The following OSBPL8 variants were observed in gnomAD, a reference collection of about 807,000 sequenced individuals.
OSBPL8 encodes the protein oxysterol-binding protein-related protein 8.
In OSBPL8, 59 loss-of-function variants were observed where a neutral mutation model predicts 125.5. The observed-to-expected ratio is 0.47, with a 90% CI of 0.38 to 0.58. The LOEUF (loss-of-function observed/expected upper bound fraction) is 0.58, where lower values mean the gene tolerates loss of function less well. Among genes scored for constraint, OSBPL8 ranks in the 20% least tolerant of loss-of-function variants. The pLI is 0.00. For synonymous variants in OSBPL8, 330 were observed against 338.9 expected (o/e 0.97, Z 0.29); for missense variants, 758 against 1,047.8 (o/e 0.72, Z 3.82).
At chr12:76,535,484 T>C (rs1332475025) in intron 1 of OSBPL8, among the ~76,000 whole-genome samples, 4 of 152,170 alleles carry the variant, frequency 2.6e-5, no homozygotes, top group African/African-American at 4.8e-5. Flanking sequence ...GGGGAGCAAC[T>C]GGAACTCTCA....
intron 8 of OSBPL8, among the ~76,000 whole-genome samples, chr12:76,396,230 T>G (rs1417514040): frequency 1.3e-5 from 2 of 152,232 alleles, no homozygotes; most frequent in South Asian, 2.1e-4. Context: ...ATCCCAAATG[T>G]ATTCTCGCTG....
chr12:76,445,829 T>C (rs1872669695), intron 4 of OSBPL8, among the ~76,000 whole-genome samples: 1 of 152,142 alleles, frequency 6.6e-6, no homozygotes, highest in Non-Finnish European at 1.5e-5. Flanking sequence ...ACCACATGAT[T>C]CAGCAATTGC....
At chr12:76,374,125 G>C (rs184894252) in intron 17 of OSBPL8, among the ~76,000 whole-genome samples, 79 of 152,238 alleles carry the variant, frequency 5.2e-4, no homozygotes, top group Non-Finnish European at 1.1e-3. Context: ...TTTTTTATCA[G>C]AGCAAAATTG....
intron 21 of OSBPL8, among the ~76,000 whole-genome samples, chr12:76,360,875 A>G (rs1038881705): frequency 6.6e-6 from 1 of 152,198 alleles, no homozygotes; most frequent in Non-Finnish European, 1.5e-5. Context: ...GGCTGCACAC[A>G]GCATGGGAAC....
chr12:76,558,405 G>A (rs962853774), intron 1 of OSBPL8, among the ~76,000 whole-genome samples: 10 of 152,198 alleles, frequency 6.6e-5, no homozygotes, highest in Middle Eastern at 3.4e-3. Context: ...ACGAAGGGAG[G>A]CAAAAACTGT....
chr12:76,439,589 T>TTC (rs1555221632), intron 4 of OSBPL8, among the ~76,000 whole-genome samples: 13 of 151,868 alleles, frequency 8.6e-5, no homozygotes, highest in African/African-American at 2.4e-4. Context: ...CCTTTTTTTT[T>TTC]CCCTAAAGGC....
At chr12:76,458,057 A>G (rs982538373) in intron 3 of OSBPL8, among the ~76,000 whole-genome samples, 12 of 152,098 alleles carry the variant, frequency 7.9e-5, no homozygotes, top group African/African-American at 2.9e-4. Context: ...GGATCGCTTG[A>G]GTCCAGGAGT....
intron 2 of OSBPL8, among the ~76,000 whole-genome samples, chr12:76,465,491 C>G (rs1032789402): frequency 2.0e-5 from 3 of 151,742 alleles, no homozygotes; most frequent in African/African-American, 7.3e-5. Context: ...ACCCGGGAGG[C>G]GGAGCTTACA....
At chr12:76,403,053 T>C (rs767044047) in intron 5 of OSBPL8, among the ~76,000 whole-genome samples, 13 of 152,180 alleles carry the variant, frequency 8.5e-5, no homozygotes, top group African/African-American at 3.1e-4. Flanking sequence ...TAAGAACATA[T>C]ATAATTATTT....
intron 4 of OSBPL8, among the ~76,000 whole-genome samples, chr12:76,443,250 T>C (rs1245579596): frequency 6.6e-6 from 1 of 152,172 alleles, no homozygotes; most frequent in Non-Finnish European, 1.5e-5. Context: ...GCACTATAAT[T>C]GAAAGATGGT....
chr12:76,518,864 T>C (rs1032701911), intron 1 of OSBPL8, among the ~76,000 whole-genome samples: 1 of 152,234 alleles, frequency 6.6e-6, no homozygotes, highest in Non-Finnish European at 1.5e-5. Context: ...GACAGGTCCC[T>C]GAAACCATTC....
intron 2 of OSBPL8, among the ~76,000 whole-genome samples, chr12:76,466,119 C>T (rs1428657813): frequency 6.6e-6 from 1 of 151,940 alleles, no homozygotes; most frequent in Non-Finnish European, 1.5e-5. Flanking sequence ...TATAAATTTT[C>T]TTATACACAT....
intron 19 of OSBPL8, among the ~76,000 whole-genome samples, chr12:76,370,561 T>C (rs1029527409): frequency 1.3e-5 from 2 of 152,242 alleles, no homozygotes; most frequent in African/African-American, 4.8e-5. Flanking sequence ...TTATTTATCC[T>C]AAGTCTCATT....
intron 9 of OSBPL8, among the ~76,000 whole-genome samples, chr12:76,393,385 C>T (rs1466605800): frequency 6.6e-6 from 1 of 152,106 alleles, no homozygotes; most frequent in Admixed American, 6.5e-5. Flanking sequence ...AAAGCATCTT[C>T]ATATTGAAAG....
chr12:76,389,827 T>A lies in OSBPL8; in HGVS notation c.1170A>T (p.Ala390=). The A allele has an allele frequency of 6.7e-7, 1 of 1,489,304 alleles. No individual in the cohort carries two copies. Among genetic ancestry groups the A allele is most frequent in the Non-Finnish European group, 9.0e-7 (1 of 1,114,746 alleles). 92.3% of individuals were successfully genotyped at this position (1,489,304 alleles called of 1,614,324 possible). A position where few individuals can be genotyped will look rare whatever the true frequency, so the allele number is the denominator to read the frequency against. ...TEQSHEELGE[A]GEASQTETVS... ...CAGTTTCTGTTTGAGAAGCCTCACCTGCCTTTATCAATTAATGAAAATTAC... is the reference window on the plus strand; with the variant it reads ...CAGTTTCTGTTTGAGAAGCCTCACCAGCCTTTATCAATTAATGAAAATTAC... The change falls in exon 12 of 24, where the codon GCA becomes GCT. Residue 390 remains alanine (A), a splice_region_variant and synonymous_variant. Transcript: ENST00000261183.
chr12:76,412,796 G>C (rs911654289), intron 4 of OSBPL8, among the ~76,000 whole-genome samples: 1 of 152,102 alleles, frequency 6.6e-6, no homozygotes, highest in Non-Finnish European at 1.5e-5. Context: ...GACTATCAGA[G>C]CTGATTTAAA....
intron 11 of OSBPL8, 59 bp downstream of exon 11, chr12:76,390,356 AATTTC>A (rs1565853906): frequency 1.4e-5 from 17 of 1,199,142 alleles, no homozygotes; most frequent in Non-Finnish European, 2.0e-5. Context: ...TAATATCTTC[AATTTC>A]ATTTAAGAAT....
At chr12:76,532,176 A>C (rs886307779) in intron 1 of OSBPL8, among the ~76,000 whole-genome samples, 21 of 152,202 alleles carry the variant, frequency 1.4e-4, no homozygotes, top group Middle Eastern at 3.4e-3. Flanking sequence ...GAGAAAAAAA[A>C]ACTGTACTCC....
Position 76,387,819 on chromosome 12 carries a change from A to G in OSBPL8, c.1353-1159T>C, listed in dbSNP as rs1244746665. ...TTTCCATCTTGGTTTAAATTCCCTT[A>G]CTATGCAATTTTATTTTAAAATTAA... On this transcript the variant is annotated intron_variant, in intron 12 of 23. Transcript: ENST00000261183. Among the ~76,000 whole-genome samples, 4 of 152,266 alleles carry G rather than the reference A, an allele frequency of 2.6e-5. No individual in the cohort carries two copies. The East Asian group carries it at 7.7e-4, about 29-fold the overall frequency.
Sources: gnomAD v4.1 joint callset for allele counts (sites outside exome capture counted in the v4.1 genomes callset) on GRCh38, gnomAD v4.1.1 for gene constraint, MANE v1.5 for transcripts, NCBI Gene and HGNC (gene_info 2026-07-23, HGNC 2026-07-21) for gene names.